CROT: variants seen among roughly 807,000 people sequenced by gnomAD.
CROT encodes carnitine O-octanoyltransferase, also known as peroxisomal carnitine O-octanoyltransferase.
Under a neutral mutation model 89.2 loss-of-function variants are expected in CROT, and 84 were observed. The ratio of observed to expected loss-of-function variants is 0.94; its 90% CI spans 0.79 to 1.13. The LOEUF (loss-of-function observed/expected upper bound fraction) is 1.13. Among genes scored for constraint, CROT ranks in the 50% most tolerant of loss-of-function variants. The probability of loss-of-function intolerance (pLI) is 0.00; values close to 1 mark genes in which losing one functional copy is unlikely to be tolerated. For synonymous variants in CROT, 212 were observed against 239.5 expected (o/e 0.89, Z 1.06); for missense variants, 711 against 727.8 (o/e 0.98, Z 0.27).
rs147806843 is a variant in CROT at position 87,362,631 on chromosome 7, T to C, written c.547+779T>C. ...CTTCTTAGAGACACATGAGTTCAGA[T>C]TGACTCATCAATTTTTTTTTTTAAA... On this transcript the variant is annotated intron_variant, in intron 6 of 17. Transcript: ENST00000331536. 5.9e-4 allele frequency among the ~76,000 whole-genome samples: 89 copies of C among 152,092 alleles called. 1 individual carries two copies. The highest frequency in any genetic ancestry group is 1.8e-3 in the African/African-American group (74 of 41,442).
At chr7:87,366,242 A>T (rs545618434) in intron 6 of CROT, among the ~76,000 whole-genome samples, 1 of 150,062 alleles carries the variant, frequency 6.7e-6, no homozygotes, top group Non-Finnish European at 1.5e-5. Context: ...GCAAGGGGGA[A>T]TTTTTTTTTT....
At chr7:87,392,504 A>G (rs1054928053) in intron 14 of CROT, 62 bp from the exon 15 acceptor site, 48 of 1,328,074 alleles carry the variant, frequency 3.6e-5, no homozygotes, top group Non-Finnish European at 1.4e-5. Flanking sequence ...TGAGCTTAGG[A>G]TTTTTTTCTA....
intron 7 of CROT, among the ~76,000 whole-genome samples, chr7:87,370,374 G>A (rs1196073547): frequency 6.6e-6 from 1 of 152,084 alleles, no homozygotes; most frequent in African/African-American, 2.4e-5. Context: ...GTAGGGATGA[G>A]GTTTTGCCGT....
chr7:87,360,922 A>G (rs1806247370), intron 4 of CROT, among the ~76,000 whole-genome samples: 1 of 152,196 alleles, frequency 6.6e-6, no homozygotes, highest in African/African-American at 2.4e-5. Flanking sequence ...AAATTATCAC[A>G]ATAACATTTC....
In CROT at chr7:87,392,756, T is replaced by C. The variant is rs771490326; in HGVS notation, c.1531T>C (p.Leu511=). The C allele has an allele frequency of 2.3e-5, 37 of 1,613,726 alleles. No individual in the cohort carries two copies. The East Asian group carries it at 8.2e-4, about 36-fold the overall frequency. The change falls in exon 16 of 18, where the codon TTA becomes CTA. Residue 511 remains leucine, a synonymous_variant. Coordinates refer to ENST00000331536, the MANE Select transcript of CROT (RefSeq NM_021151.4). ...ATTTGATCGTCACCTTTTAGGTCTC[T>C]TACTCATAGCAAAAGAGGAAGGTCT... The part of the protein sequence containing the change: ...KGFDRHLLGL[L]LIAKEEGLPV...
chr7:87,357,656 T>C (rs565320812), intron 3 of CROT: 1 of 708,790 alleles, frequency 1.4e-6, no homozygotes, highest in Admixed American at 2.1e-5. Flanking sequence ...GAGTAGAGCG[T>C]CCTCAGAGGG....
intron 6 of CROT, 53 bp downstream of exon 6, chr7:87,361,905 C>G (rs1292264323): frequency 1.3e-6 from 2 of 1,493,246 alleles, no homozygotes; most frequent in African/African-American, 2.8e-5. Flanking sequence ...ATTTGGGTAG[C>G]CTACTATGAC....
chr7:87,369,388 G>A lies in CROT; in HGVS notation c.560G>A (p.Arg187His), dbSNP rs755736735. 7.0e-5 allele frequency: 112 copies of A among 1,609,160 alleles called. No homozygotes were observed. Among genetic ancestry groups the A allele is most frequent in the South Asian group, 1.3e-4 (12 of 90,320 alleles). Residue 187 changes from arginine (R) to histidine (H), a missense_variant, in exon 7 of 18, where the codon CGT (arginine) becomes CAT (histidine). Transcript: ENST00000331536. The part of the protein sequence containing the change: ...MNYFRTESEG[R>H]SPNHIVVLCR... Reference sequence around the variant, plus strand: ...TTTCTGTTTCCAGAGAGTGAAGGGCGTTCCCCAAACCACATTGTAGTGCTG... The same window carrying A: ...TTTCTGTTTCCAGAGAGTGAAGGGCATTCCCCAAACCACATTGTAGTGCTG...
In CROT at chr7:87,361,779, A is replaced by G; in HGVS notation, c.474A>G (p.Gln158=). The change falls in exon 6 of 18, where the codon CAA becomes CAG. Residue 158 remains glutamine (Q), a synonymous_variant. Transcript: ENST00000331536. ...KVGNTPLDMN[Q]FRMLFSTCKV... ...GAAATACTCCTCTAGATATGAATCA[A>G]TTCCGAATGCTATTTTCTACCTGCA... 6.2e-7 allele frequency: 1 copy of G among 1,609,558 alleles called. No individual in the cohort carries two copies.
intron 3 of CROT, among the ~76,000 whole-genome samples, chr7:87,352,282 A>C (rs924893062): frequency 6.6e-6 from 1 of 152,024 alleles, no homozygotes; most frequent in Non-Finnish European, 1.5e-5. Flanking sequence ...CCAAGCTCTT[A>C]TTTTGTCCAG....
chr7:87,382,402 C>G lies in CROT; in HGVS notation c.1171-11C>G. 6.2e-7 allele frequency: 1 copy of G among 1,607,704 alleles called. No homozygotes were observed. The highest frequency in any genetic ancestry group is 1.1e-5 in the South Asian group (1 of 89,642). ...GATTTTTCACCGTTCTCATTTAATTCTTCTTGTTAGGCATCTGATCTACAG... is the reference window on the plus strand; with the variant it reads ...GATTTTTCACCGTTCTCATTTAATTGTTCTTGTTAGGCATCTGATCTACAG... On this transcript the variant is annotated splice_polypyrimidine_tract_variant and intron_variant, in intron 12 of 17. Coordinates refer to ENST00000331536, the MANE Select transcript of CROT (RefSeq NM_021151.4).
chr7:87,390,227 T>C (rs1163400762), intron 13 of CROT, among the ~76,000 whole-genome samples: 1 of 152,180 alleles, frequency 6.6e-6, no homozygotes, highest in Non-Finnish European at 1.5e-5. Flanking sequence ...TAGTTAATGC[T>C]CTTTGCTTTC....
At position 87,377,292 on chromosome 7, in the gene CROT, A is replaced by G. The variant is rs187197430; in HGVS notation, c.877-57A>G. 117 of 1,079,228 alleles carry G rather than the reference A, an allele frequency of 1.1e-4. 2 individuals carry two copies. The East Asian group carries it at 3.0e-3, about 27-fold the overall frequency. 66.9% of individuals were successfully genotyped at this position (1,079,228 alleles called of 1,614,324 possible). On this transcript the variant is annotated intron_variant, in intron 9 of 17. Transcript: ENST00000331536. ...AGATGATATATGTGTTTAAGATGTA[A>G]ATTCTTACAAACCAATATTAAACCC...
intron 17 of CROT, 33 bp downstream of exon 17, chr7:87,393,100 A>T: frequency 6.2e-7 from 1 of 1,601,802 alleles, no homozygotes; most frequent in African/African-American, 1.4e-5. Context: ...TTTCTGTGCT[A>T]TAGAGTAGGA....
intron 17 of CROT, among the ~76,000 whole-genome samples, chr7:87,396,626 CTT>C (rs143534729): frequency 0.058 from 8,810 of 151,680 alleles, 314 homozygotes; most frequent in South Asian, 0.16. Context: ...TCCCCTGCCT[CTT>C]CTTTCATCTC....
chr7:87,363,528 G>T (rs1806347118), intron 6 of CROT, among the ~76,000 whole-genome samples: 1 of 152,160 alleles, frequency 6.6e-6, no homozygotes, highest in Non-Finnish European at 1.5e-5. Context: ...AATAAACTTG[G>T]CAGGTTCAAA....
At chr7:87,378,790 G>A (rs1451863993) in intron 10 of CROT, among the ~76,000 whole-genome samples, 5 of 152,104 alleles carry the variant, frequency 3.3e-5, no homozygotes, top group Non-Finnish European at 7.4e-5. Context: ...GAATCTAGTG[G>A]GTAGAATCAG....
chr7:87,359,385 G>C lies in CROT; in HGVS notation c.240+55G>C. The stretch of plus-strand genomic sequence containing the variant: ...ATGTTTAAAGAATGATAAATAAAAA[G>C]TGCATAGTTTTTATTTTTAAATTAT... On this transcript the variant is annotated intron_variant, in intron 4 of 17. Transcript: ENST00000331536. The C allele has an allele frequency of 2.6e-6, 4 of 1,511,820 alleles. No homozygotes were observed. In the South Asian group the frequency reaches 5.2e-5, roughly 20 times the overall value. The allele number at this position is 1,511,820 out of a possible 1,614,324, so 93.7% of individuals were successfully genotyped here.
intron 6 of CROT, among the ~76,000 whole-genome samples, chr7:87,368,391 G>A (rs1460405426): frequency 2.0e-5 from 3 of 152,150 alleles, no homozygotes; most frequent in Non-Finnish European, 4.4e-5. Flanking sequence ...CAATAAAAGA[G>A]TGGTGGTCGT....
Sources: gnomAD v4.1 joint callset for allele counts (sites outside exome capture counted in the v4.1 genomes callset) on GRCh38, gnomAD v4.1.1 for gene constraint, MANE v1.5 for transcripts, NCBI Gene and HGNC (gene_info 2026-07-23, HGNC 2026-07-21) for gene names.